SEC31A: variants seen among roughly 807,000 people sequenced by gnomAD.
SEC31A encodes the protein protein transport protein Sec31A.
SEC31A carries 70 observed loss-of-function variants against 151.0 expected under a neutral mutation model. The ratio of observed to expected loss-of-function variants is 0.46; its 90% CI spans 0.38 to 0.57. The LOEUF (loss-of-function observed/expected upper bound fraction) is 0.57. Among genes scored for constraint, SEC31A ranks in the 20% least tolerant of loss-of-function variants. The pLI, the probability that SEC31A is intolerant of heterozygous loss-of-function variation, is 0.00. For synonymous variants in SEC31A, 475 were observed against 505.9 expected (o/e 0.94, Z 0.82); for missense variants, 1,330 against 1,471.2 (o/e 0.90, Z 1.57).
chr4:82,840,468 T>C (rs1476887322), intron 22 of SEC31A, among the ~76,000 whole-genome samples: 2 of 152,224 alleles, frequency 1.3e-5, no homozygotes, highest in Non-Finnish European at 2.9e-5. Context: ...TGTAGTGTAT[T>C]ACTGGAATCT....
chr4:82,822,069 A>G (rs1723485548), intron 25 of SEC31A, among the ~76,000 whole-genome samples: 1 of 152,176 alleles, frequency 6.6e-6, no homozygotes, highest in Non-Finnish European at 1.5e-5. Flanking sequence ...CAAAGAAACT[A>G]TTCTAAAACT....
chr4:82,897,041 A>G (rs1720094018), intron 3 of SEC31A, among the ~76,000 whole-genome samples: 1 of 152,212 alleles, frequency 6.6e-6, no homozygotes, highest in Non-Finnish European at 1.5e-5. Flanking sequence ...TTCGTGCCTG[A>G]GATTTATAAT....
chr4:82,848,524 G>GT (rs745620669), intron 20 of SEC31A, among the ~76,000 whole-genome samples: 8 of 152,130 alleles, frequency 5.3e-5, no homozygotes, highest in Non-Finnish European at 1.2e-4. Context: ...AGATGTACAT[G>GT]TTTAAGTGAA....
intron 26 of SEC31A, 79 bp downstream of exon 26, chr4:82,820,957 TG>T: frequency 8.4e-7 from 1 of 1,186,582 alleles, no homozygotes; most frequent in East Asian, 2.3e-5. Context: ...GCATACTAAA[TG>T]GGAGTGCTGA....
intron 22 of SEC31A, among the ~76,000 whole-genome samples, chr4:82,841,324 G>T (rs1179297608): frequency 2.0e-5 from 3 of 151,240 alleles, no homozygotes; most frequent in Non-Finnish European, 2.9e-5. Context: ...TTGGGAGGCT[G>T]AGACAGGAGA....
intron 8 of SEC31A, among the ~76,000 whole-genome samples, chr4:82,869,383 G>A (rs1736142903): frequency 6.6e-6 from 1 of 151,612 alleles, no homozygotes; most frequent in South Asian, 2.1e-4. Flanking sequence ...GCCCGCCTCA[G>A]CCTCCCAAAG....
chr4:82,842,021 C>T lies in SEC31A; in HGVS notation c.2968+119G>A. 4 of 803,858 alleles carry T rather than the reference C, an allele frequency of 5.0e-6. No homozygotes were observed. The South Asian group carries it at 7.7e-5, about 15-fold the overall frequency. The allele number at this position is 803,858 out of a possible 1,614,324, so 49.8% of individuals were successfully genotyped here. ...AAACACAAAAAACAAACCCAAACCT[C>T]AGTCAACACCTCACATTACCCAGTT... On this transcript the variant is annotated intron_variant, in intron 22 of 26. Transcript: ENST00000395310.
At chr4:82,870,798 A>G (rs1578325628) in intron 7 of SEC31A, among the ~76,000 whole-genome samples, 1 of 152,388 alleles carries the variant, frequency 6.6e-6, no homozygotes, top group African/African-American at 2.4e-5. Context: ...CTATCTGATC[A>G]TTACAAATAC....
chr4:82,870,526 A>C, intron 7 of SEC31A, 102 bp from the exon 8 acceptor site: 1 of 914,962 alleles, frequency 1.1e-6, no homozygotes, highest in Non-Finnish European at 1.7e-6. Flanking sequence ...GTTAACAGAA[A>C]TACAATTAAA....
At chr4:82,862,925 T>C (rs1009898646) in intron 12 of SEC31A, among the ~76,000 whole-genome samples, 5 of 152,208 alleles carry the variant, frequency 3.3e-5, no homozygotes, top group Non-Finnish European at 7.3e-5. Context: ...AGCAAAGACA[T>C]AGCCACTAAG....
In SEC31A at chr4:82,842,441, C is replaced by T. The variant is rs766908370; in HGVS notation, c.2667G>A (p.Gly889=). 45 of 1,613,180 alleles carry T rather than the reference C, an allele frequency of 2.8e-5. No homozygotes were observed. The Middle Eastern group carries it at 6.6e-4, about 24-fold the overall frequency. Reference sequence around the variant, plus strand: ...GCTGCTGAGGTCGATACATTGCTGACCCCCCTGTTCCGAAGGGATACGGCT... The same window carrying T: ...GCTGCTGAGGTCGATACATTGCTGATCCCCCTGTTCCGAAGGGATACGGCT... ...PAQPYPFGTG[G]SAMYRPQQPV... Residue 889 remains glycine, a synonymous_variant, in exon 22 of 27, where the codon GGG becomes GGA. Transcript: ENST00000395310.
intron 22 of SEC31A, chr4:82,830,920 T>C (rs1256398638): frequency 8.5e-7 from 1 of 1,177,168 alleles, no homozygotes; most frequent in Admixed American, 2.9e-5. Context: ...CAAAGGTATA[T>C]TTTACAACCA....
In SEC31A at chr4:82,878,736, A is replaced by G; in HGVS notation, c.396T>C (p.Ile132=). The G allele has an allele frequency of 6.2e-7, 1 of 1,613,438 alleles. No individual in the cohort carries two copies. The highest frequency in any genetic ancestry group is 8.5e-7 in the Non-Finnish European group (1 of 1,179,390). The change falls in exon 4 of 27, where the codon ATT becomes ATC. Residue 132 remains isoleucine (I), a synonymous_variant. Coordinates refer to ENST00000395310, the MANE Select transcript of SEC31A (RefSeq NM_001077207.4). ...GAAATGTTAAAGTCTTAACCTGGAA[A>G]ATGTTCACATCCAAGGCTCTCACTG... ...TGPVRALDVN[I]FQTNLVASGA...
chr4:82,829,297 TAA>T (rs2149032222), intron 22 of SEC31A: 1 of 401,368 alleles, frequency 2.5e-6, no homozygotes, highest in Non-Finnish European at 4.5e-6. Context: ...CCATTTAAAG[TAA>T]AAGAGTGTGC....
chr4:82,853,273 C>G (rs188426351), intron 18 of SEC31A, among the ~76,000 whole-genome samples: 4 of 152,178 alleles, frequency 2.6e-5, no homozygotes, highest in African/African-American at 9.7e-5. Flanking sequence ...TGGAAGCAGA[C>G]AGAGGAGCAC....
Position 82,824,636 on chromosome 4 carries a change from T to C in SEC31A, c.3330A>G (p.Lys1110=). ...GAATGAGGTGCTCATCTGGAATAGG[T>C]TTCTTGGTAATTTTTTTTGTTGGCA... ...QSLPTKKITK[K]PIPDEHLILK... The change falls in exon 25 of 27, where the codon AAA becomes AAG. Residue 1110 remains lysine, a synonymous_variant. Coordinates refer to ENST00000395310, the MANE Select transcript of SEC31A (RefSeq NM_001077207.4). 6.2e-7 allele frequency: 1 copy of C among 1,614,002 alleles called. No homozygotes were observed. Among genetic ancestry groups the C allele is most frequent in the Non-Finnish European group, 8.5e-7 (1 of 1,179,970 alleles).
At chr4:82,873,281 C>A (rs1737160175) in intron 6 of SEC31A, among the ~76,000 whole-genome samples, 1 of 151,656 alleles carries the variant, frequency 6.6e-6, no homozygotes, top group African/African-American at 2.4e-5. Context: ...TTGCCTGAAC[C>A]CAGGAGGCGG....
intron 22 of SEC31A, among the ~76,000 whole-genome samples, chr4:82,835,685 C>CTTGG (rs1304704309): frequency 6.6e-6 from 1 of 152,082 alleles, no homozygotes; most frequent in Non-Finnish European, 1.5e-5. Flanking sequence ...GTTCCAGCTA[C>CTTGG]TTGGGATGCT....
chr4:82,836,477 A>G (rs1446016750), intron 22 of SEC31A, among the ~76,000 whole-genome samples: 1 of 152,156 alleles, frequency 6.6e-6, no homozygotes, highest in Non-Finnish European at 1.5e-5. Flanking sequence ...CAAAGTGTCT[A>G]TCGGCAGATG....
Sources: allele counts gnomAD v4.1 joint callset (sites outside exome capture counted in the v4.1 genomes callset), GRCh38; gene constraint gnomAD v4.1.1; transcripts MANE v1.5; gene names NCBI Gene and HGNC (gene_info 2026-07-23, HGNC 2026-07-21).